EHBP1: variants seen among roughly 807,000 people sequenced by gnomAD.
The protein encoded by EHBP1 is EH domain binding protein 1.
EHBP1 carries 55 observed loss-of-function variants against 144.0 expected under a neutral mutation model. That is an observed-to-expected ratio of 0.38 (90% CI 0.31 to 0.48). The LOEUF (loss-of-function observed/expected upper bound fraction) is 0.48. Among genes scored for constraint, EHBP1 ranks in the 20% least tolerant of loss-of-function variants. The pLI is 0.98. For missense variants in EHBP1, 1,200 were observed against 1,364.2 expected, an observed-to-expected ratio of 0.88 and a Z score of 1.90; for synonymous variants, 469 against 472.7, an observed-to-expected ratio of 0.99 and a Z score of 0.10.
At chr2:62,937,004 T>C (rs2056429281) in intron 10 of EHBP1, among the ~76,000 whole-genome samples, 1 of 152,206 alleles carries the variant, frequency 6.6e-6, no homozygotes, top group Non-Finnish European at 1.5e-5. Context: ...CTTAATTAGC[T>C]CTTGTTCTAG....
intron 7 of EHBP1, among the ~76,000 whole-genome samples, chr2:62,843,687 G>A (rs2048085581): frequency 6.6e-6 from 1 of 151,982 alleles, no homozygotes; most frequent in South Asian, 2.1e-4. Context: ...TAACTTTCAG[G>A]GATATATTTT....
chr2:62,997,894 T>C (rs749028443), intron 19 of EHBP1, among the ~76,000 whole-genome samples: 1 of 152,112 alleles, frequency 6.6e-6, no homozygotes, highest in South Asian at 2.1e-4. Context: ...GCCAGGAGAA[T>C]AAGGGAGCAG....
intron 3 of EHBP1, among the ~76,000 whole-genome samples, chr2:62,755,412 TG>T (rs1041286986): frequency 2.6e-5 from 4 of 151,406 alleles, no homozygotes; most frequent in East Asian, 2.0e-4. Context: ...GATGAACATT[TG>T]TTTTTTTTTT....
chr2:62,931,117 A>T (rs2055952770), intron 10 of EHBP1, among the ~76,000 whole-genome samples: 1 of 152,232 alleles, frequency 6.6e-6, no homozygotes, highest in Non-Finnish European at 1.5e-5. Flanking sequence ...ATTTTAAAAT[A>T]ACATATCTGT....
intron 15 of EHBP1, among the ~76,000 whole-genome samples, chr2:62,988,706 C>A (rs1471571669): frequency 6.6e-6 from 1 of 152,066 alleles, no homozygotes; most frequent in Non-Finnish European, 1.5e-5. Flanking sequence ...CAGCAAGTAG[C>A]AATCCAAAGT....
chr2:62,971,616 T>G (rs551757696), intron 14 of EHBP1, among the ~76,000 whole-genome samples: 1 of 152,186 alleles, frequency 6.6e-6, no homozygotes, highest in Admixed American at 6.5e-5. Context: ...ATTCTTACTA[T>G]GCCATTTACA....
intron 19 of EHBP1, among the ~76,000 whole-genome samples, chr2:63,032,566 CAAAAAAAAAAAA>C (rs35237077): frequency 2.5e-4 from 7 of 28,286 alleles, no homozygotes; most frequent in South Asian, 2.7e-3. Context: ...GACTCTGTCT[CAAAAAAAAAAAA>C]AAAAAAAAAA....
intron 14 of EHBP1, among the ~76,000 whole-genome samples, chr2:62,975,332 A>G (rs1156405898): frequency 6.6e-6 from 1 of 152,198 alleles, no homozygotes; most frequent in Non-Finnish European, 1.5e-5. Context: ...CTTACATACA[A>G]GTCACTAAAG....
intron 5 of EHBP1, among the ~76,000 whole-genome samples, chr2:62,805,892 T>A (rs944719004): frequency 6.6e-6 from 1 of 152,194 alleles, no homozygotes; most frequent in African/African-American, 2.4e-5. Flanking sequence ...ACAATTGCTG[T>A]CTTTCAGTTG....
intron 5 of EHBP1, among the ~76,000 whole-genome samples, chr2:62,787,264 A>G (rs2042871653): frequency 6.6e-6 from 1 of 152,164 alleles, no homozygotes; most frequent in Non-Finnish European, 1.5e-5. Context: ...TAATTTTAAC[A>G]ATGGTTCTAA....
At chr2:62,979,783 A>G (rs1042387574) in intron 15 of EHBP1, among the ~76,000 whole-genome samples, 4 of 152,218 alleles carry the variant, frequency 2.6e-5, no homozygotes, top group African/African-American at 9.6e-5. Flanking sequence ...TGAGAAGTTT[A>G]TATAAGTCCC....
intron 5 of EHBP1, among the ~76,000 whole-genome samples, chr2:62,796,874 T>C (rs1434483555): frequency 6.6e-6 from 1 of 152,050 alleles, no homozygotes; most frequent in Non-Finnish European, 1.5e-5. Flanking sequence ...GGCAGATCTT[T>C]TTCTTTGTCT....
intron 6 of EHBP1, among the ~76,000 whole-genome samples, chr2:62,826,995 G>A (rs1219686076): frequency 1.3e-5 from 2 of 152,202 alleles, no homozygotes; most frequent in Non-Finnish European, 2.9e-5. Flanking sequence ...TGAAGAGACA[G>A]GAGAAATGGA....
chr2:62,933,568 C>T (rs1258972781), intron 10 of EHBP1, among the ~76,000 whole-genome samples: 2 of 152,036 alleles, frequency 1.3e-5, no homozygotes, highest in Non-Finnish European at 2.9e-5. Flanking sequence ...CATTGATTCC[C>T]GTACTCATGT....
At chr2:62,700,424 A>C (rs1176939484) in intron 1 of EHBP1, among the ~76,000 whole-genome samples, 2 of 152,008 alleles carry the variant, frequency 1.3e-5, no homozygotes, top group Non-Finnish European at 2.9e-5. Flanking sequence ...ACATAGCATC[A>C]CTATGTTGGG....
At chr2:62,693,775 G>A (rs1039196241) in intron 1 of EHBP1, among the ~76,000 whole-genome samples, 14 of 151,788 alleles carry the variant, frequency 9.2e-5, no homozygotes, top group Non-Finnish European at 2.1e-4. Flanking sequence ...CTCCCCTCCC[G>A]ACTACACTTC....
At chr2:62,677,860 A>G (rs1031397001) in intron 1 of EHBP1, among the ~76,000 whole-genome samples, 2 of 152,184 alleles carry the variant, frequency 1.3e-5, no homozygotes, top group Admixed American at 1.3e-4. Context: ...GTGATTAACT[A>G]CCACATTTTC....
chr2:62,752,954 C>G (rs187856214), intron 3 of EHBP1, among the ~76,000 whole-genome samples: 31 of 152,244 alleles, frequency 2.0e-4, no homozygotes, highest in Admixed American at 1.4e-3. Context: ...ACTCTTTATC[C>G]AAATTGCCAG....
chr2:62,796,303 A>G (rs901248785), intron 5 of EHBP1, among the ~76,000 whole-genome samples: 1 of 152,014 alleles, frequency 6.6e-6, no homozygotes, highest in African/African-American at 2.4e-5. Context: ...CATTTTATGA[A>G]TTACCTTTGT....
Sources: allele counts gnomAD v4.1 joint callset (sites outside exome capture counted in the v4.1 genomes callset), GRCh38; gene constraint gnomAD v4.1.1; transcripts MANE v1.5; gene names NCBI Gene and HGNC (gene_info 2026-07-23, HGNC 2026-07-21).